TMEM272: variants seen among roughly 807,000 people sequenced by gnomAD.
TMEM272 encodes transmembrane protein 272.
A neutral mutation model predicts 3.7 loss-of-function variants in TMEM272; 8 were observed. That is an observed-to-expected ratio of 2.17 (90% CI 1.27 to 3.91). The LOEUF (loss-of-function observed/expected upper bound fraction) is 3.91, where lower values mean the gene tolerates loss of function less well. Among genes scored for constraint, TMEM272 ranks in the 30% most tolerant of loss-of-function variants. The pLI is 0.00. For missense variants in TMEM272, 166 were observed against 91.5 expected, an observed-to-expected ratio of 1.81 and a Z score of -3.32; for synonymous variants, 63 against 39.8, an observed-to-expected ratio of 1.58 and a Z score of -2.20.
chr13:51,910,279 C>A, the TMEM272 span: 2 of 1,426,752 alleles, frequency 1.4e-6, no homozygotes, highest in Non-Finnish European at 2.0e-6. Context: ...TCAAAGCTGG[C>A]ATCCTCTAAA....
At chr13:51,865,538 G>C in the TMEM272 span, 4 of 1,614,236 alleles carry the variant, frequency 2.5e-6, no homozygotes, top group Non-Finnish European at 3.4e-6. Flanking sequence ...TTTTCGCGAA[G>C]AGATGAAAAT....
At chr13:51,916,193 CA>C in the TMEM272 span, among the ~76,000 whole-genome samples, 3 of 152,186 alleles carry the variant, frequency 2.0e-5, no homozygotes, top group East Asian at 5.8e-4. Flanking sequence ...ACTAACTTTG[CA>C]AAACTTGCAA....
chr13:51,890,483 C>G, the TMEM272 span, among the ~76,000 whole-genome samples: 2 of 152,042 alleles, frequency 1.3e-5, no homozygotes. Context: ...TGAGTGGAAG[C>G]AGCCCAGGAC....
chr13:51,818,927 G>A (rs1956056052), intron 4 of TMEM272, among the ~76,000 whole-genome samples: 1 of 152,172 alleles, frequency 6.6e-6, no homozygotes, highest in Non-Finnish European at 1.5e-5. Flanking sequence ...GTGAGTAAGA[G>A]AATGAGAAGG....
intron 1 of TMEM272, among the ~76,000 whole-genome samples, chr13:51,840,708 A>AG (rs1956255445): frequency 6.6e-6 from 1 of 152,216 alleles, no homozygotes; most frequent in African/African-American, 2.4e-5. Context: ...GGCATGCAGT[A>AG]GGTCTTCAGT....
At chr13:51,825,194 C>T (rs1303807256) in intron 3 of TMEM272, among the ~76,000 whole-genome samples, 1 of 152,194 alleles carries the variant, frequency 6.6e-6, no homozygotes, top group Non-Finnish European at 1.5e-5. Context: ...TTCACTCTTA[C>T]ACTAAATGGC....
At chr13:51,898,621 T>C in the TMEM272 span, among the ~76,000 whole-genome samples, 3 of 149,692 alleles carry the variant, frequency 2.0e-5, no homozygotes, top group South Asian at 6.5e-4. Context: ...ACATACTAGA[T>C]AATAAATGTT....
chr13:51,854,419 C>A, the TMEM272 span, among the ~76,000 whole-genome samples: 2 of 152,216 alleles, frequency 1.3e-5, no homozygotes, highest in African/African-American at 4.8e-5. Context: ...TCCTTCACTT[C>A]CTTCATCTTC....
the TMEM272 span, among the ~76,000 whole-genome samples, chr13:51,862,735 A>G: frequency 6.6e-6 from 1 of 152,164 alleles, no homozygotes; most frequent in Non-Finnish European, 1.5e-5. Context: ...TTGGGCAAGG[A>G]TATCCAGGGA....
At chr13:51,839,815 C>A (rs2139586434) in intron 1 of TMEM272, among the ~76,000 whole-genome samples, 1 of 152,334 alleles carries the variant, frequency 6.6e-6, no homozygotes, top group African/African-American at 2.4e-5. Context: ...CAGCCCGCAG[C>A]TTCTCTCTGC....
rs750119800 is a variant in TMEM272 at position 51,816,762 on chromosome 13, C to T, written c.553G>A (p.Asp185Asn). 3.3e-4 allele frequency: 230 copies of T among 697,766 alleles called. No homozygotes were observed. The highest frequency in any genetic ancestry group is 5.6e-4 in the Non-Finnish European group (214 of 380,956). 43.2% of individuals were successfully genotyped at this position (697,766 alleles called of 1,614,324 possible). ...YLCSRWRLAA[D>N]ED ...GGACAAGGCAGCTGTCAGTCTTCAT[C>T]GGCAGCAAGTCTCCACCTGGAGCAC... The change falls in exon 5 of 5, where the codon GAT becomes AAT. Residue 185 changes from aspartate (D) to asparagine (N), a missense_variant. Coordinates refer to ENST00000629372, the MANE Select transcript of TMEM272 (RefSeq NM_001351003.2).
chr13:51,910,643 G>C, the TMEM272 span: 2 of 516,792 alleles, frequency 3.9e-6, no homozygotes, highest in Non-Finnish European at 7.3e-6. Flanking sequence ...TGCTCTGGCA[G>C]TGGCCAAAGT....
chr13:51,909,363 T>G, the TMEM272 span: 1 of 873,094 alleles, frequency 1.1e-6, no homozygotes, highest in Non-Finnish European at 1.9e-6. Flanking sequence ...TTCAGTGGCA[T>G]GGCTGATCAT....
the TMEM272 span, chr13:51,910,133 A>T: frequency 9.8e-7 from 1 of 1,021,724 alleles, no homozygotes; most frequent in Non-Finnish European, 1.6e-6. Context: ...CCATCACCTC[A>T]TCTTGTTCAG....
intron 1 of TMEM272, among the ~76,000 whole-genome samples, chr13:51,839,282 T>C (rs941705430): frequency 6.6e-6 from 1 of 152,056 alleles, no homozygotes; most frequent in Admixed American, 6.5e-5. Flanking sequence ...ACAAAAAAAC[T>C]CCAGCTCATC....
At chr13:51,870,860 C>T in the TMEM272 span, among the ~76,000 whole-genome samples, 1 of 152,288 alleles carries the variant, frequency 6.6e-6, no homozygotes, top group Non-Finnish European at 1.5e-5. Flanking sequence ...GATTCTCTCC[C>T]CTACAAACTG....
At chr13:51,899,537 G>C in the TMEM272 span, among the ~76,000 whole-genome samples, 5 of 53,948 alleles carry the variant, frequency 9.3e-5, no homozygotes, top group African/African-American at 2.2e-4. Context: ...CCATGTTCAT[G>C]AATCAGAAGA....
chr13:51,817,113 C>T lies in TMEM272; in HGVS notation c.202G>A (p.Val68Met), dbSNP rs1228838397. ...GTGGAGTCGTACAACAGGAGAGACA[C>T]CTGGGGCGTGGTGGGGAGCCAGGGT... ...LVGGIVGTLK[V>M]SLLLYDSTRM... The change falls in exon 5 of 5, where the codon GTG becomes ATG. Residue 68 changes from valine (V) to methionine (M), a missense_variant and splice_region_variant. Val to Met is a conservative substitution (Grantham distance 21). Transcript: ENST00000629372. The T allele has an allele frequency of 1.4e-6, 1 of 698,470 alleles. No homozygotes were observed. The highest frequency in any genetic ancestry group is 2.6e-6 in the Non-Finnish European group (1 of 381,328). The allele number at this position is 698,470 out of a possible 1,614,324, so 43.3% of individuals were successfully genotyped here. A position where few individuals can be genotyped will look rare whatever the true frequency, so the allele number is the denominator to read the frequency against.
At chr13:51,883,680 C>G in the TMEM272 span, among the ~76,000 whole-genome samples, 873 of 152,286 alleles carry the variant, frequency 5.7e-3, 8 homozygotes, top group African/African-American at 0.02. Flanking sequence ...CCCGGCAGCT[C>G]GGTTTTCAGG....
Sources: gnomAD v4.1 joint callset for allele counts (sites outside exome capture counted in the v4.1 genomes callset) on GRCh38, gnomAD v4.1.1 for gene constraint, MANE v1.5 for transcripts, NCBI Gene and HGNC (gene_info 2026-07-23, HGNC 2026-07-21) for gene names.